MFSD8: variants seen among roughly 807,000 people sequenced by gnomAD.
The protein encoded by MFSD8 is major facilitator superfamily domain-containing protein 8.
Under a neutral mutation model 66.4 loss-of-function variants are expected in MFSD8, and 55 were observed. The ratio of observed to expected loss-of-function variants is 0.83; its 90% CI spans 0.67 to 1.04. The LOEUF is 1.04. Among genes scored for constraint, MFSD8 ranks in the 50% least tolerant of loss-of-function variants. The pLI, the probability that MFSD8 is intolerant of heterozygous loss-of-function variation, is 0.00. For missense variants in MFSD8, 550 were observed against 627.6 expected (o/e 0.88, Z 1.32); for synonymous variants, 202 against 212.8 (o/e 0.95, Z 0.44).
At chr4:127,961,157 C>T (rs1363960029) in intron 1 of MFSD8, among the ~76,000 whole-genome samples, 1 of 152,074 alleles carries the variant, frequency 6.6e-6, no homozygotes, top group Non-Finnish European at 1.5e-5. Context: ...TGGTGGTGAC[C>T]TAGACATGTT....
intron 7 of MFSD8, chr4:127,933,819 C>G (rs1560737468): frequency 6.6e-6 from 1 of 152,156 alleles, no homozygotes; most frequent in Non-Finnish European, 1.5e-5. Flanking sequence ...ATGAAGAACT[C>G]CAGTGGTTTA....
At chr4:127,953,053 T>C (rs1182188849) in intron 2 of MFSD8, among the ~76,000 whole-genome samples, 4 of 152,136 alleles carry the variant, frequency 2.6e-5, no homozygotes, top group South Asian at 2.1e-4. Flanking sequence ...TTCCACCTTC[T>C]TGATGGAACC....
rs1553950874 is a variant in MFSD8, at chr4:127,943,834, G to A, written c.357C>T (p.Cys119=). The change falls in exon 4 of 12, where the codon TGC becomes TGT. Residue 119 remains cysteine (C), a synonymous_variant. Coordinates refer to ENST00000641686, the MANE Select transcript of MFSD8 (RefSeq NM_001371596.2). ...CTGGGATGTGGAGATATGCATAGAG[G>A]CAGTTGGCTGCCACGGAAATCAAGA... The part of the protein sequence containing the change: ...VSILISVAAN[C]LYAYLHIPAS... 6.2e-7 allele frequency: 1 copy of A among 1,614,122 alleles called. No individual in the cohort carries two copies. The highest frequency in any genetic ancestry group is 2.2e-5 in the East Asian group (1 of 44,872).
intron 9 of MFSD8, among the ~76,000 whole-genome samples, chr4:127,928,576 C>T (rs1737599331): frequency 6.6e-6 from 1 of 152,072 alleles, no homozygotes; most frequent in Non-Finnish European, 1.5e-5. Context: ...TGGCTTTAAT[C>T]AAAAAGAGGG....
intron 9 of MFSD8, among the ~76,000 whole-genome samples, chr4:127,927,510 A>C (rs1267639631): frequency 6.6e-6 from 1 of 152,188 alleles, no homozygotes; most frequent in East Asian, 1.9e-4. Flanking sequence ...TCAACTTATG[A>C]TGATCAGTTT....
At chr4:127,963,267 A>C (rs139153899) in intron 1 of MFSD8, among the ~76,000 whole-genome samples, 146 of 152,350 alleles carry the variant, frequency 9.6e-4, no homozygotes, top group African/African-American at 3.3e-3. Flanking sequence ...CATTACTAAG[A>C]CCGATACCTT....
chr4:127,940,254 G>A lies in MFSD8; in HGVS notation c.554-257C>T, dbSNP rs78978617. On this transcript the variant is annotated intron_variant, in intron 5 of 11. Transcript: ENST00000641686. ...CATCTGTGGCACTAAAATTTTATGG[G>A]GTAAAGAGAGTAGGAAAAAAATACC... Among the ~76,000 whole-genome samples the A allele has an allele frequency of 0.014, 2,185 of 151,804 alleles. 63 individuals are homozygous for A. The highest frequency in any genetic ancestry group is 0.05 in the African/African-American group (2,072 of 41,432).
At chr4:127,960,659 C>T (rs1743592881) in intron 1 of MFSD8, among the ~76,000 whole-genome samples, 1 of 151,870 alleles carries the variant, frequency 6.6e-6, no homozygotes, top group Admixed American at 6.6e-5. Flanking sequence ...AGGACAGATG[C>T]CCTAATAATA....
In MFSD8 at chr4:127,943,957, C is replaced by T; in HGVS notation, c.234G>A (p.Trp78Ter). Reference protein sequence around the residue: ...DPTADTSFLGWVIASYSLGQM... With the variant: ...DPTADTSFLG ...GGCCAAGACTATATGAAGCAATAACCCAGCCCAAAAAACTTGTATCAGCTG... is the reference window on the plus strand; with the variant it reads ...GGCCAAGACTATATGAAGCAATAACTCAGCCCAAAAAACTTGTATCAGCTG... The change falls in exon 4 of 12, where the codon TGG becomes TGA. Residue 78 changes from tryptophan (W) to a stop codon, truncating the protein, a stop_gained. Coordinates refer to ENST00000641686, the MANE Select transcript of MFSD8 (RefSeq NM_001371596.2). LOFTEE classifies it high-confidence loss of function. The T allele has an allele frequency of 6.2e-7, 1 of 1,614,032 alleles. No individual in the cohort carries two copies. Among genetic ancestry groups the T allele is most frequent in the Non-Finnish European group, 8.5e-7 (1 of 1,180,002 alleles).
chr4:127,961,917 G>A (rs1414093996), intron 1 of MFSD8, among the ~76,000 whole-genome samples: 2 of 150,582 alleles, frequency 1.3e-5, no homozygotes, highest in Non-Finnish European at 3.0e-5. Flanking sequence ...TAGTAGGAAA[G>A]ACATTTAGCT....
chr4:127,936,674 A>AT, intron 7 of MFSD8, among the ~76,000 whole-genome samples: 1 of 151,772 alleles, frequency 6.6e-6, no homozygotes, highest in East Asian at 1.9e-4. Flanking sequence ...TCTGTGTTTT[A>AT]TTTTTTATTA....
intron 1 of MFSD8, 37 bp downstream of exon 1, chr4:127,965,035 A>C: frequency 6.2e-7 from 1 of 1,608,422 alleles, no homozygotes; most frequent in Non-Finnish European, 8.5e-7. Flanking sequence ...CCAACAGCGC[A>C]GGAGACTGAG....
intron 1 of MFSD8, 94 bp from the exon 2 acceptor site, chr4:127,957,686 G>A: frequency 1.2e-6 from 1 of 831,174 alleles, no homozygotes; most frequent in Non-Finnish European, 2.0e-6. Flanking sequence ...TGAAAATGAT[G>A]TGATAGAGGT....
In MFSD8 at chr4:127,920,597, C is replaced by A; in HGVS notation, c.*33G>T. On this transcript the variant is annotated 3_prime_UTR_variant, in exon 12 of 12. Coordinates refer to ENST00000641686, the MANE Select transcript of MFSD8 (RefSeq NM_001371596.2). The stretch of plus-strand genomic sequence containing the variant: ...GAGCTTTAGACCAGGAAGTGCCACA[C>A]AGCAAGTAGTTTCCATCACAGTCTT... 1 of 1,608,774 alleles carries A rather than the reference C, an allele frequency of 6.2e-7. No individual in the cohort carries two copies. The highest frequency in any genetic ancestry group is 8.5e-7 in the Non-Finnish European group (1 of 1,175,818).
intron 1 of MFSD8, among the ~76,000 whole-genome samples, chr4:127,959,135 TGTA>T (rs1323635246): frequency 6.6e-6 from 1 of 152,222 alleles, no homozygotes; most frequent in Middle Eastern, 3.2e-3. Context: ...TTTGATGTAA[TGTA>T]GTGGGGTGTT....
At chr4:127,939,583 C>A (rs565304859) in intron 6 of MFSD8, 2 of 222,382 alleles carry the variant, frequency 9.0e-6, no homozygotes, top group Admixed American at 1.8e-4. Flanking sequence ...CCAGTCTGAG[C>A]AACAGAGTAA....
At chr4:127,956,855 A>G (rs942434004) in intron 2 of MFSD8, among the ~76,000 whole-genome samples, 2 of 150,980 alleles carry the variant, frequency 1.3e-5, no homozygotes, top group Non-Finnish European at 2.9e-5. Flanking sequence ...TACTTTTGTG[A>G]GTACATGAAA....
chr4:127,929,888 T>C (rs1737846110), intron 9 of MFSD8, among the ~76,000 whole-genome samples: 1 of 152,188 alleles, frequency 6.6e-6, no homozygotes, highest in Admixed American at 6.5e-5. Flanking sequence ...TTATACATTA[T>C]ACGAATGTAT....
intron 7 of MFSD8, chr4:127,934,712 T>G (rs1005858269): frequency 2.0e-5 from 3 of 151,462 alleles, no homozygotes; most frequent in Non-Finnish European, 4.4e-5. Context: ...CCCGAGTAGC[T>G]GGGACTACAG....
Sources: gnomAD v4.1 joint callset for allele counts (sites outside exome capture counted in the v4.1 genomes callset) on GRCh38, gnomAD v4.1.1 for gene constraint, MANE v1.5 for transcripts, NCBI Gene and HGNC (gene_info 2026-07-23, HGNC 2026-07-21) for gene names.